CFAP70: variants seen among roughly 807,000 people sequenced by gnomAD.
CFAP70 encodes the protein cilia- and flagella-associated protein 70.
In CFAP70, 81 loss-of-function variants were observed where a neutral mutation model predicts 137.6. The observed-to-expected ratio is 0.59, with a 90% CI of 0.49 to 0.71. CFAP70 has a LOEUF of 0.71. Ranked by LOEUF, CFAP70 falls within the 30% of genes least tolerant of loss-of-function variation. The pLI is 0.00. For synonymous variants in CFAP70, 382 were observed against 423.6 expected, an observed-to-expected ratio of 0.90 and a Z score of 1.20; for missense variants, 976 against 1,226.7, an observed-to-expected ratio of 0.80 and a Z score of 3.05.
intron 12 of CFAP70, among the ~76,000 whole-genome samples, chr10:73,308,764 G>A (rs1357745689): frequency 2.9e-5 from 4 of 140,154 alleles, no homozygotes; most frequent in East Asian, 4.1e-4. Flanking sequence ...GAAAATTTAA[G>A]CAACACATTC....
At chr10:73,256,484 C>G (rs1396533370) in intron 25 of CFAP70, 68 bp from the exon 27 acceptor site, 3 of 1,576,338 alleles carry the variant, frequency 1.9e-6, no homozygotes, top group Non-Finnish European at 2.6e-6. Flanking sequence ...AATACATTGC[C>G]TCAGCTAAGG....
chr10:73,324,060 G>A (rs949136533), intron 8 of CFAP70, among the ~76,000 whole-genome samples: 4 of 152,166 alleles, frequency 2.6e-5, no homozygotes, highest in Admixed American at 6.5e-5. Context: ...CCTGACCCCC[G>A]AGCAGCCTAA....
At chr10:73,288,097 A>G (rs1359907171) in intron 19 of CFAP70, among the ~76,000 whole-genome samples, 1 of 151,990 alleles carries the variant, frequency 6.6e-6, no homozygotes, top group Non-Finnish European at 1.5e-5. Flanking sequence ...GGGTTTCGCC[A>G]TATTTGCCAA....
chr10:73,334,245 T>C (rs1021186721), intron 7 of CFAP70, among the ~76,000 whole-genome samples: 41 of 152,246 alleles, frequency 2.7e-4, no homozygotes, highest in African/African-American at 8.9e-4. Context: ...TGATTTAGCC[T>C]GGGTGACAAT....
exon 20 of CFAP70, chr10:73,278,287 T>G: frequency 6.2e-7 from 1 of 1,614,048 alleles, no homozygotes; most frequent in Non-Finnish European, 8.5e-7. Flanking sequence ...GACTGCAGTT[T>G]GGAGGATTCT....
chr10:73,347,349 G>T (rs952786712), intron 4 of CFAP70, among the ~76,000 whole-genome samples: 1 of 152,126 alleles, frequency 6.6e-6, no homozygotes, highest in Non-Finnish European at 1.5e-5. Context: ...TGAACTAGAG[G>T]GAGGTAAAGG....
At chr10:73,361,473 T>TC (rs1386607630), upstream of CFAP70, among the ~76,000 whole-genome samples, 2 of 151,932 alleles carry the variant, frequency 1.3e-5, no homozygotes, top group Admixed American at 1.3e-4. Context: ...CAGTGGCCAC[T>TC]CTGTTTGAAA....
intron 3 of CFAP70, among the ~76,000 whole-genome samples, chr10:73,351,059 GTGTGTGTGTGTGTATATATA>G (rs1243528042): frequency 1.8e-5 from 1 of 54,338 alleles, no homozygotes; most frequent in African/African-American, 1.0e-4. Context: ...GTGTGTGTGT[GTGTGTGTGTGTGTATATATA>G]TATATATATA....
At chr10:73,351,006 T>C (rs2054163919) in intron 3 of CFAP70, among the ~76,000 whole-genome samples, 1 of 135,002 alleles carries the variant, frequency 7.4e-6, no homozygotes, top group Non-Finnish European at 1.5e-5. Context: ...TGTATATGTG[T>C]GTATGTGTGT....
At chr10:73,342,433 C>T (rs560606620) in intron 5 of CFAP70, among the ~76,000 whole-genome samples, 7 of 151,852 alleles carry the variant, frequency 4.6e-5, no homozygotes, top group East Asian at 3.9e-4. Flanking sequence ...ATCCCAGCTA[C>T]GTGGGAGGCT....
intron 3 of CFAP70, 90 bp from the exon 4 acceptor site, chr10:73,348,611 G>GT: frequency 2.4e-6 from 2 of 848,762 alleles, no homozygotes; most frequent in Non-Finnish European, 1.8e-6. Flanking sequence ...TCAAAGATAT[G>GT]TAAGTTAAAA....
At chr10:73,269,166 G>C (rs146275868) in intron 25 of CFAP70, among the ~76,000 whole-genome samples, 1 of 152,056 alleles carries the variant, frequency 6.6e-6, no homozygotes, top group South Asian at 2.1e-4. Context: ...AGACTGATAC[G>C]CAAGTTATTT....
intron 9 of CFAP70, among the ~76,000 whole-genome samples, chr10:73,321,930 C>G (rs1215342408): frequency 6.6e-6 from 1 of 152,080 alleles, no homozygotes; most frequent in South Asian, 2.1e-4. Flanking sequence ...ATTACAGATG[C>G]CTGCCACCAC....
intron 19 of CFAP70, among the ~76,000 whole-genome samples, chr10:73,290,353 T>A (rs138753322): frequency 1.1e-4 from 17 of 152,292 alleles, no homozygotes; most frequent in African/African-American, 3.8e-4. Flanking sequence ...AAATGCAAAC[T>A]TATCTATGAT....
intron 21 of CFAP70, 30 bp downstream of exon 22, chr10:73,277,210 A>G (rs908196946): frequency 1.3e-6 from 2 of 1,590,958 alleles, no homozygotes; most frequent in Non-Finnish European, 1.7e-6. Flanking sequence ...AAATCTTTCC[A>G]TCTACTTGCC....
At chr10:73,280,054 A>T (rs192801086) in intron 19 of CFAP70, among the ~76,000 whole-genome samples, 43 of 152,290 alleles carry the variant, frequency 2.8e-4, no homozygotes, top group African/African-American at 9.6e-4. Flanking sequence ...CAATCTTTTT[A>T]ATTTTAGCTA....
At chr10:73,296,974 G>T in intron 15 of CFAP70, 68 bp downstream of exon 16, 2 of 1,524,858 alleles carry the variant, frequency 1.3e-6, no homozygotes, top group South Asian at 2.5e-5. Flanking sequence ...AACAAAGGAA[G>T]GAATTATTCA....
intron 1 of CFAP70, among the ~76,000 whole-genome samples, chr10:73,358,529 G>A (rs1417272139): frequency 6.6e-6 from 1 of 152,228 alleles, no homozygotes. Context: ...GAGGTCGCCG[G>A]GCTGGGGTTG....
At chr10:73,254,721 C>T (rs1437988332) in intron 26 of CFAP70, among the ~76,000 whole-genome samples, 2 of 152,120 alleles carry the variant, frequency 1.3e-5, no homozygotes, top group African/African-American at 2.4e-5. Flanking sequence ...TAGCATGGCC[C>T]CTTTTTCCTT....
Sources: gnomAD v4.1 joint callset for allele counts (sites outside exome capture counted in the v4.1 genomes callset) on GRCh38, gnomAD v4.1.1 for gene constraint, MANE v1.5 for transcripts, NCBI Gene and HGNC (gene_info 2026-07-23, HGNC 2026-07-21) for gene names.